DBI: variants seen among roughly 807,000 people sequenced by gnomAD.
DBI encodes diazepam binding inhibitor, acyl-CoA binding protein.
DBI carries 12 observed loss-of-function variants against 13.0 expected under a neutral mutation model. That is an observed-to-expected ratio of 0.92 (90% CI 0.59 to 1.49). DBI has a LOEUF of 1.49. DBI is among the 40% of genes most tolerant of loss of function. DBI has a pLI of 0.00. For synonymous variants in DBI, 37 were observed against 37.4 expected, an observed-to-expected ratio of 0.99 and a Z score of 0.04; for missense variants, 95 against 104.8, an observed-to-expected ratio of 0.91 and a Z score of 0.41.
Position 119,370,715 on chromosome 2 carries a change from A to G in DBI, c.128-25A>G, listed in dbSNP as rs533361391. ...CTCCATTAGAATTTGAACCAGATCTAATGCCTTTTCTTCCCTTGTTTAAGA... is the reference window on the plus strand; with the variant it reads ...CTCCATTAGAATTTGAACCAGATCTGATGCCTTTTCTTCCCTTGTTTAAGA... On this transcript the variant is annotated intron_variant, in intron 2 of 3. Coordinates refer to ENST00000355857, the MANE Select transcript of DBI (RefSeq NM_001079862.4). 1.9e-4 allele frequency: 301 copies of G among 1,610,096 alleles called. 2 individuals carry two copies. In the South Asian group the frequency reaches 3.1e-3, roughly 17 times the overall value.
At chr2:119,368,677 C>T (rs1211428135) in intron 2 of DBI, 2 of 193,662 alleles carry the variant, frequency 1.0e-5, no homozygotes, top group East Asian at 1.2e-4. Flanking sequence ...TTTTGGAGCA[C>T]TTGACAGCCT....
chr2:119,370,255 A>G (rs903808220), intron 2 of DBI: 4 of 152,444 alleles, frequency 2.6e-5, no homozygotes, highest in African/African-American at 9.6e-5. Context: ...ACAGATCAGC[A>G]AGAAATAGAC....
intron 1 of DBI, chr2:119,367,745 A>T: frequency 6.2e-7 from 1 of 1,607,382 alleles, no homozygotes; most frequent in Non-Finnish European, 8.5e-7. Flanking sequence ...AGCTGTTTCC[A>T]GCATACTGTG....
chr2:119,367,437 G>T, intron 1 of DBI: 2 of 1,543,216 alleles, frequency 1.3e-6, no homozygotes, highest in South Asian at 1.2e-5. Context: ...GTGGGGAAGC[G>T]AGGAGTCCGT....
chr2:119,372,485 T>C lies in DBI; in HGVS notation c.*167T>C. 1.9e-6 allele frequency: 1 copy of C among 528,316 alleles called. No homozygotes were observed. The highest frequency in any genetic ancestry group is 3.4e-6 in the Non-Finnish European group (1 of 293,014). 32.7% of individuals were successfully genotyped at this position (528,316 alleles called of 1,614,324 possible). ...ACAGATTAGGGGCTAAAACGATTACTGACTTTCCTTGAGTAGTTTTTATCT... is the reference window on the plus strand; with the variant it reads ...ACAGATTAGGGGCTAAAACGATTACCGACTTTCCTTGAGTAGTTTTTATCT... On this transcript the variant is annotated 3_prime_UTR_variant, in exon 4 of 4. Transcript: ENST00000355857.
At chr2:119,367,397 C>T (rs1321745482) in intron 1 of DBI, 1 of 1,477,372 alleles carries the variant, frequency 6.8e-7, no homozygotes, top group Non-Finnish European at 9.0e-7. Context: ...AGTCCCCATC[C>T]CGAAGCACAG....
At chr2:119,367,256 C>T (rs1558804291) in intron 1 of DBI, 196 bp downstream of exon 1, 1 of 1,436,872 alleles carries the variant, frequency 7.0e-7, no homozygotes, top group Non-Finnish European at 9.1e-7. Context: ...AATCTGCTGC[C>T]CACCCCGCAA....
At chr2:119,369,160 A>T (rs1681329682) in intron 2 of DBI, among the ~76,000 whole-genome samples, 1 of 152,156 alleles carries the variant, frequency 6.6e-6, no homozygotes, top group African/African-American at 2.4e-5. Context: ...TTAGTTGAAG[A>T]AGGTCTTATG....
At chr2:119,367,796 C>T (rs1681158293) in intron 1 of DBI, 4 of 1,611,124 alleles carry the variant, frequency 2.5e-6, no homozygotes, top group Non-Finnish European at 3.4e-6. Context: ...GCAGCCCCGG[C>T]CACTCCCTAG....
At chr2:119,369,740 C>T (rs752762936) in intron 2 of DBI, among the ~76,000 whole-genome samples, 2 of 151,890 alleles carry the variant, frequency 1.3e-5, no homozygotes, top group Non-Finnish European at 2.9e-5. Flanking sequence ...GAGCCGAGGT[C>T]GCACCACTGC....
chr2:119,372,293 A>T lies in DBI; in HGVS notation c.239A>T (p.Glu80Val). The change falls in exon 4 of 4, where the codon GAG becomes GTG. Residue 80 changes from glutamate (E) to valine (V), a missense_variant. Transcript: ENST00000355857. ...AMKAYINKVE[E>V]LKKKYGI ...AAAGCTTACATCAACAAAGTAGAAG[A>T]GCTAAAGAAAAAATACGGGATATGA... is the stretch of plus-strand genomic sequence containing the variant. 1 of 1,613,644 alleles carries T rather than the reference A, an allele frequency of 6.2e-7. No homozygotes were observed. Among genetic ancestry groups the T allele is most frequent in the Non-Finnish European group, 8.5e-7 (1 of 1,179,582 alleles).
chr2:119,370,908 T>C (rs1681470137), intron 3 of DBI, 106 bp downstream of exon 3: 2 of 1,027,708 alleles, frequency 1.9e-6, no homozygotes, highest in Admixed American at 2.2e-5. Context: ...ATGGGGCACG[T>C]GTGGGAAACC....
intron 1 of DBI, 110 bp downstream of exon 1, chr2:119,367,170 T>A: frequency 6.5e-7 from 1 of 1,543,844 alleles, no homozygotes; most frequent in East Asian, 2.3e-5. Flanking sequence ...GCCCCTCACT[T>A]GCTCATGGGC....
chr2:119,372,245 G>A lies in DBI; in HGVS notation c.191G>A (p.Gly64Glu), dbSNP rs1413843635. ...AKWDAWNELKGTSKEDAMKAY... is the reference protein window; with the variant it reads ...AKWDAWNELKETSKEDAMKAY... ...ACATAATCCTGTCGATTCCTTACAG[G>A]GACTTCCAAGGAAGATGCCATGAAA... The change falls in exon 4 of 4, where the codon GGG becomes GAG. Residue 64 changes from glycine (G) to glutamate (E), a missense_variant and splice_region_variant. Transcript: ENST00000355857. The A allele has an allele frequency of 6.2e-7, 1 of 1,612,352 alleles. No individual in the cohort carries two copies. Among genetic ancestry groups the A allele is most frequent in the Non-Finnish European group, 8.5e-7 (1 of 1,178,652 alleles).
At chr2:119,367,686 C>G (rs763008347) in intron 1 of DBI, 4 of 1,612,302 alleles carry the variant, frequency 2.5e-6, no homozygotes, top group Non-Finnish European at 3.4e-6. Flanking sequence ...GGGAGGGGAC[C>G]AACGGGCTCC....
chr2:119,372,440 C>G lies in DBI; in HGVS notation c.*122C>G. ...AACCAGTTAAACCAGCTACTCAAGGCTGCTCACCATACGGCTCTAACAGAT... is the reference window on the plus strand; with the variant it reads ...AACCAGTTAAACCAGCTACTCAAGGGTGCTCACCATACGGCTCTAACAGAT... On this transcript the variant is annotated 3_prime_UTR_variant, in exon 4 of 4. Transcript: ENST00000355857. 2.8e-6 allele frequency: 2 copies of G among 723,738 alleles called. No homozygotes were observed. The highest frequency in any genetic ancestry group is 4.2e-5 in the Admixed American group (2 of 47,068). The allele number at this position is 723,738 out of a possible 1,614,324, so 44.8% of individuals were successfully genotyped here.
chr2:119,367,783 G>T, intron 1 of DBI: 1 of 1,609,604 alleles, frequency 6.2e-7, no homozygotes, highest in South Asian at 1.1e-5. Context: ...CCAGGGCTTC[G>T]CTGCAGCCCC....
intron 1 of DBI, 38 bp downstream of exon 1, chr2:119,367,098 G>T: frequency 6.2e-7 from 1 of 1,612,872 alleles, no homozygotes; most frequent in Non-Finnish European, 8.5e-7. Context: ...AAGGTGCAGC[G>T]GGCGGGAGGC....
Position 119,367,230 on chromosome 2 carries a change from C to T in DBI, c.9+170C>T, listed in dbSNP as rs755888233. The T allele has an allele frequency of 5.5e-6, 8 of 1,441,520 alleles. No homozygotes were observed. In the Admixed American group the frequency reaches 1.7e-4, roughly 31 times the overall value. The allele number at this position is 1,441,520 out of a possible 1,614,324, so 89.3% of individuals were successfully genotyped here. On this transcript the variant is annotated intron_variant, in intron 1 of 3. Coordinates refer to ENST00000355857, the MANE Select transcript of DBI (RefSeq NM_001079862.4). ...ACAGAGCCTTGTGAGCGGGATTTTC[C>T]GTTTGGGGATTTCTAAATCTGCTGC... is the stretch of plus-strand genomic sequence containing the variant.
Sources: allele counts gnomAD v4.1 joint callset (sites outside exome capture counted in the v4.1 genomes callset), GRCh38; gene constraint gnomAD v4.1.1; transcripts MANE v1.5; gene names NCBI Gene and HGNC (gene_info 2026-07-23, HGNC 2026-07-21).